The following B3GALT1 variants were observed in gnomAD, a reference collection of about 807,000 sequenced individuals.
B3GALT1 encodes beta-1,3-galactosyltransferase 1.
B3GALT1 carries 10 observed loss-of-function variants against 23.2 expected under a neutral mutation model. The ratio of observed to expected loss-of-function variants is 0.43; its 90% CI spans 0.27 to 0.73. The LOEUF (loss-of-function observed/expected upper bound fraction) is 0.73, where lower values mean the gene tolerates loss of function less well. Among genes scored for constraint, B3GALT1 ranks in the 30% least tolerant of loss-of-function variants. The pLI is 0.21. For missense variants in B3GALT1, 299 were observed against 405.4 expected, an observed-to-expected ratio of 0.74 and a Z score of 2.25; for synonymous variants, 156 against 141.5, an observed-to-expected ratio of 1.10 and a Z score of -0.73.
chr2:167,480,860 G>A (rs922262738), intron 1 of B3GALT1, among the ~76,000 whole-genome samples: 1 of 152,100 alleles, frequency 6.6e-6, no homozygotes, highest in African/African-American at 2.4e-5. Context: ...CAGGGAAGAC[G>A]GCAACCCATA....
chr2:167,765,666 A>T (rs1687965738), intron 3 of B3GALT1, among the ~76,000 whole-genome samples: 1 of 152,202 alleles, frequency 6.6e-6, no homozygotes, highest in Non-Finnish European at 1.5e-5. Flanking sequence ...GAGCAAATAA[A>T]TTTTCATGAC....
At chr2:167,630,598 A>G (rs1355753424) in intron 2 of B3GALT1, among the ~76,000 whole-genome samples, 1 of 151,656 alleles carries the variant, frequency 6.6e-6, no homozygotes, top group Non-Finnish European at 1.5e-5. Context: ...GTGAAGTGTC[A>G]TGATATCTGC....
chr2:167,345,734 A>C (rs909179704), intron 1 of B3GALT1, among the ~76,000 whole-genome samples: 2 of 152,274 alleles, frequency 1.3e-5, no homozygotes, highest in East Asian at 3.9e-4. Context: ...TAGTAGAGAC[A>C]TGTGATCTGT....
At chr2:167,537,175 A>T (rs1344682049) in intron 2 of B3GALT1, among the ~76,000 whole-genome samples, 8 of 152,126 alleles carry the variant, frequency 5.3e-5, no homozygotes, top group African/African-American at 1.9e-4. Context: ...GTCTTACCTG[A>T]TGGCAGGCAG....
intron 3 of B3GALT1, among the ~76,000 whole-genome samples, chr2:167,744,462 C>T (rs148211930): frequency 1.6e-4 from 24 of 152,264 alleles, no homozygotes; most frequent in Admixed American, 5.2e-4. Flanking sequence ...AGTGTCCATT[C>T]CTATTCTCAA....
intron 1 of B3GALT1, among the ~76,000 whole-genome samples, chr2:167,344,448 C>G (rs772818574): frequency 2.6e-5 from 4 of 152,056 alleles, no homozygotes; most frequent in Non-Finnish European, 4.4e-5. Flanking sequence ...TAATCAAACA[C>G]TCTGGAATTA....
At chr2:167,320,117 A>G (rs1007201654) in intron 1 of B3GALT1, among the ~76,000 whole-genome samples, 1 of 151,974 alleles carries the variant, frequency 6.6e-6, no homozygotes, top group Non-Finnish European at 1.5e-5. Context: ...AAGTCGAAGA[A>G]TACTGATATT....
chr2:167,607,996 G>C (rs1366768302), intron 2 of B3GALT1, among the ~76,000 whole-genome samples: 2 of 152,122 alleles, frequency 1.3e-5, no homozygotes. Flanking sequence ...CATTTAATAA[G>C]AAAGGCCATT....
intron 3 of B3GALT1, among the ~76,000 whole-genome samples, chr2:167,787,535 A>G (rs17583539): frequency 0.17 from 26,160 of 152,228 alleles, 2,578 homozygotes; most frequent in Non-Finnish European, 0.23. Flanking sequence ...CATAAATGGT[A>G]CTTCTCTTTT....
intron 1 of B3GALT1, among the ~76,000 whole-genome samples, chr2:167,400,748 C>T (rs1698175500): frequency 6.6e-6 from 1 of 152,036 alleles, no homozygotes; most frequent in African/African-American, 2.4e-5. Flanking sequence ...GACAATTTGG[C>T]CATCTTGAAC....
At chr2:167,528,258 A>C (rs985161349) in intron 2 of B3GALT1, among the ~76,000 whole-genome samples, 6 of 152,256 alleles carry the variant, frequency 3.9e-5, no homozygotes, top group African/African-American at 1.4e-4. Flanking sequence ...ACTCTATTGC[A>C]AGAAAATGTC....
At chr2:167,864,562 T>TTAAC (rs1291738838) in intron 4 of B3GALT1, among the ~76,000 whole-genome samples, 2 of 152,152 alleles carry the variant, frequency 1.3e-5, no homozygotes, top group Non-Finnish European at 2.9e-5. Context: ...AGACCCTGTA[T>TTAAC]TAACTTGTTA....
At chr2:167,769,605 G>A (rs1688037535) in intron 3 of B3GALT1, among the ~76,000 whole-genome samples, 1 of 151,922 alleles carries the variant, frequency 6.6e-6, no homozygotes, top group Admixed American at 6.6e-5. Context: ...AGCAGAACTA[G>A]TCTCTGTTCC....
chr2:167,785,886 C>G (rs1216208710), intron 3 of B3GALT1, among the ~76,000 whole-genome samples: 1 of 152,176 alleles, frequency 6.6e-6, no homozygotes, highest in Admixed American at 6.5e-5. Flanking sequence ...TGGAGGTTGA[C>G]AAAGCTCTGT....
intron 3 of B3GALT1, among the ~76,000 whole-genome samples, chr2:167,711,876 C>T (rs888083123): frequency 6.6e-6 from 1 of 152,020 alleles, no homozygotes; most frequent in Non-Finnish European, 1.5e-5. Context: ...GCTGAGGTGG[C>T]AGGATTGCTT....
chr2:167,661,189 C>G (rs187326738), intron 3 of B3GALT1, among the ~76,000 whole-genome samples: 1 of 152,124 alleles, frequency 6.6e-6, no homozygotes, highest in East Asian at 1.9e-4. Flanking sequence ...TTGGAGGCAA[C>G]GTTGTCACCC....
chr2:167,836,170 G>C (rs1026898156), intron 4 of B3GALT1, among the ~76,000 whole-genome samples: 1 of 152,228 alleles, frequency 6.6e-6, no homozygotes, highest in African/African-American at 2.4e-5. Context: ...ATGGAACAAA[G>C]CTGGACGGAG....
intron 1 of B3GALT1, among the ~76,000 whole-genome samples, chr2:167,367,872 A>G (rs766685906): frequency 4.6e-5 from 7 of 152,212 alleles, no homozygotes; most frequent in Non-Finnish European, 1.0e-4. Context: ...TAAATCATAA[A>G]TAGGACTCTC....
intron 3 of B3GALT1, among the ~76,000 whole-genome samples, chr2:167,707,507 A>AT (rs5836158): frequency 0.45 from 66,922 of 150,382 alleles, 15,209 homozygotes; most frequent in Admixed American, 0.59. Context: ...TATTTTTCTT[A>AT]TTTTTTTTTT....
Sources: gnomAD v4.1 joint callset for allele counts (sites outside exome capture counted in the v4.1 genomes callset) on GRCh38, gnomAD v4.1.1 for gene constraint, MANE v1.5 for transcripts, NCBI Gene and HGNC (gene_info 2026-07-23, HGNC 2026-07-21) for gene names.